NLGN1: variants seen among roughly 807,000 people sequenced by gnomAD.
NLGN1 encodes neuroligin-1.
A neutral mutation model predicts 65.5 loss-of-function variants in NLGN1; 12 were observed. That is an observed-to-expected ratio of 0.18 (90% CI 0.12 to 0.30). The LOEUF is 0.30. NLGN1 is among the 10% of genes least tolerant of loss of function. The pLI is 1.00. For synonymous variants in NLGN1, 350 were observed against 359.5 expected, an observed-to-expected ratio of 0.97 and a Z score of 0.30; for missense variants, 750 against 1,007.1, an observed-to-expected ratio of 0.74 and a Z score of 3.46.
chr3:174,169,176 A>G (rs1728076004), intron 4 of NLGN1, among the ~76,000 whole-genome samples: 1 of 151,826 alleles, frequency 6.6e-6, no homozygotes, highest in African/African-American at 2.4e-5. Context: ...GCCGAGAGAT[A>G]TTGCTGAGCA....
At chr3:173,441,522 GTC>G (rs1719200900) in intron 2 of NLGN1, among the ~76,000 whole-genome samples, 1 of 152,116 alleles carries the variant, frequency 6.6e-6, no homozygotes, top group Non-Finnish European at 1.5e-5. Flanking sequence ...GTATTGTTGT[GTC>G]TCTGGTAATA....
chr3:173,847,369 T>C (rs183177662), intron 4 of NLGN1, among the ~76,000 whole-genome samples: 68 of 152,308 alleles, frequency 4.5e-4, no homozygotes, highest in Non-Finnish European at 7.8e-4. Context: ...AAAGATGATA[T>C]GGTTTTTTAT....
At chr3:174,177,799 T>C (rs1329438744) in intron 4 of NLGN1, among the ~76,000 whole-genome samples, 1 of 152,120 alleles carries the variant, frequency 6.6e-6, no homozygotes, top group African/African-American at 2.4e-5. Flanking sequence ...ACAATAGACA[T>C]AAAAGCATAG....
Position 174,280,872 on chromosome 3 carries a change from G to T in NLGN1, c.2041G>T (p.Ala681Ser). The T allele has an allele frequency of 6.2e-7, 1 of 1,613,384 alleles. No homozygotes were observed. The highest frequency in any genetic ancestry group is 8.5e-7 in the Non-Finnish European group (1 of 1,179,596). The change falls in exon 7 of 7, where the codon GCA (alanine) becomes TCA (serine). Residue 681 changes from alanine to serine, a missense_variant. By Grantham distance (99) the Ala-to-Ser change is moderately conservative. Transcript: ENST00000457714. The surrounding 1 kb of genome is among the most constrained non-coding windows in gnomAD (Gnocchi z 4.9). The stretch of plus-strand genomic sequence containing the variant: ...CTCAACAGAGCTGAGTGTCACTATT[G>T]CAGTTGGAGCATCACTGCTGTTTCT...
At chr3:173,660,936 A>G (rs1760832591) in intron 3 of NLGN1, among the ~76,000 whole-genome samples, 1 of 152,022 alleles carries the variant, frequency 6.6e-6, no homozygotes, top group Non-Finnish European at 1.5e-5. Flanking sequence ...TCTCAAGTTA[A>G]TGAACTTCCC....
chr3:173,754,142 G>A (rs1776751042), intron 3 of NLGN1, among the ~76,000 whole-genome samples: 1 of 151,062 alleles, frequency 6.6e-6, no homozygotes, highest in African/African-American at 2.4e-5. Context: ...TGCCTCTCAG[G>A]CTCAGGCGAT....
chr3:173,821,658 A>G (rs1720320421), intron 4 of NLGN1, among the ~76,000 whole-genome samples: 1 of 152,060 alleles, frequency 6.6e-6, no homozygotes, highest in African/African-American at 2.4e-5. Flanking sequence ...TATAGTCTAC[A>G]ATTCATATTT....
intron 4 of NLGN1, among the ~76,000 whole-genome samples, chr3:174,145,535 CAG>C (rs1207030389): frequency 6.6e-6 from 1 of 151,578 alleles, no homozygotes; most frequent in Non-Finnish European, 1.5e-5. Flanking sequence ...AGAAAAAAAA[CAG>C]ATAAAATAGA....
chr3:173,826,215 T>G (rs1350828589), intron 4 of NLGN1, among the ~76,000 whole-genome samples: 1 of 152,088 alleles, frequency 6.6e-6, no homozygotes, highest in African/African-American at 2.4e-5. Context: ...AGAAAACTCT[T>G]GATCAACTGT....
At chr3:174,174,900 A>G (rs901379739) in intron 4 of NLGN1, among the ~76,000 whole-genome samples, 20 of 152,034 alleles carry the variant, frequency 1.3e-4, no homozygotes, top group African/African-American at 4.6e-4. Flanking sequence ...TAATTTCTGA[A>G]TTGACCCCCA....
chr3:174,177,142 C>G (rs1369087639), intron 4 of NLGN1, among the ~76,000 whole-genome samples: 1 of 152,066 alleles, frequency 6.6e-6, no homozygotes, highest in Non-Finnish European at 1.5e-5. Context: ...GAAACTATCT[C>G]AGAGATTTGG....
chr3:173,539,572 ATATGT>A (rs1185659273), intron 2 of NLGN1, among the ~76,000 whole-genome samples: 23 of 141,158 alleles, frequency 1.6e-4, no homozygotes, highest in African/African-American at 5.7e-4. Flanking sequence ...TATATAACAT[ATATGT>A]TATGTTATAT....
chr3:174,289,325 TTA>T (rs2152903009), downstream of NLGN1, among the ~76,000 whole-genome samples: 1 of 151,548 alleles, frequency 6.6e-6, no homozygotes, highest in South Asian at 2.1e-4. Flanking sequence ...TAAGCATCTA[TTA>T]TATATGAGTT....
intron 4 of NLGN1, among the ~76,000 whole-genome samples, chr3:174,261,528 T>C (rs1746907421): frequency 6.8e-6 from 1 of 146,326 alleles, no homozygotes; most frequent in Non-Finnish European, 1.5e-5. Flanking sequence ...TTTTTGTACA[T>C]TGATTTTGTA....
intron 1 of NLGN1, among the ~76,000 whole-genome samples, chr3:173,407,633 GAATA>G (rs1277751339): frequency 1.3e-5 from 2 of 152,230 alleles, no homozygotes; most frequent in East Asian, 1.9e-4. Flanking sequence ...ATTAGGATAT[GAATA>G]AATAGAGAAG....
intron 4 of NLGN1, among the ~76,000 whole-genome samples, chr3:173,822,429 G>A (rs1182186722): frequency 6.6e-6 from 1 of 152,040 alleles, no homozygotes; most frequent in Admixed American, 6.6e-5. Context: ...TTTTGCATGA[G>A]AAAACTACTG....
chr3:174,079,814 T>G (rs1411879101), intron 4 of NLGN1, among the ~76,000 whole-genome samples: 1 of 152,128 alleles, frequency 6.6e-6, no homozygotes, highest in East Asian at 1.9e-4. Flanking sequence ...ATGTTCTCAC[T>G]TATAAGTGGC....
intron 2 of NLGN1, among the ~76,000 whole-genome samples, chr3:173,461,541 C>T (rs1723390752): frequency 6.6e-6 from 1 of 152,026 alleles, no homozygotes; most frequent in South Asian, 2.1e-4. Flanking sequence ...GACCTCCATT[C>T]TGCATAATAT....
intron 3 of NLGN1, among the ~76,000 whole-genome samples, chr3:173,744,712 T>G (rs999318997): frequency 6.6e-6 from 1 of 152,152 alleles, no homozygotes; most frequent in African/African-American, 2.4e-5. Context: ...TGTAAATCAT[T>G]AAATTTTGCT....
Sources: gnomAD v4.1 joint callset for allele counts (sites outside exome capture counted in the v4.1 genomes callset) on GRCh38, gnomAD v4.1.1 for gene constraint, Gnocchi (gnomAD v3.1) non-coding constraint, MANE v1.5 for transcripts, NCBI Gene and HGNC (gene_info 2026-07-23, HGNC 2026-07-21) for gene names.